The following ST18 variants were observed in gnomAD, a reference collection of about 807,000 sequenced individuals.
The protein encoded by ST18 is ST18 C2H2C-type zinc finger transcription factor.
In ST18, 50 loss-of-function variants were observed where a neutral mutation model predicts 110.0. That is an observed-to-expected ratio of 0.45 (90% CI 0.36 to 0.58). The LOEUF (loss-of-function observed/expected upper bound fraction) is 0.58. Among genes scored for constraint, ST18 ranks in the 20% least tolerant of loss-of-function variants. The probability of loss-of-function intolerance (pLI) is 0.00; values close to 1 mark genes in which losing one functional copy is unlikely to be tolerated. For missense variants in ST18, 1,306 were observed against 1,280.1 expected, an observed-to-expected ratio of 1.02 and a Z score of -0.31; for synonymous variants, 461 against 452.4, an observed-to-expected ratio of 1.02 and a Z score of -0.24.
At chr8:52,125,003 A>G (rs1419699166) in intron 23 of ST18, among the ~76,000 whole-genome samples, 1 of 152,212 alleles carries the variant, frequency 6.6e-6, no homozygotes, top group East Asian at 1.9e-4. Context: ...GATGCCATCA[A>G]ATAAAGTCTC....
chr8:52,222,513 T>C (rs1383716126), intron 3 of ST18, among the ~76,000 whole-genome samples: 1 of 152,140 alleles, frequency 6.6e-6, no homozygotes, highest in Non-Finnish European at 1.5e-5. Context: ...CTTGGAGAAG[T>C]GCACAGAGGG....
chr8:52,177,310 A>G (rs1180518367), intron 9 of ST18, among the ~76,000 whole-genome samples: 2 of 152,226 alleles, frequency 1.3e-5, no homozygotes, highest in Non-Finnish European at 2.9e-5. Context: ...ATATGGATGA[A>G]GTCTGTGCCA....
intron 25 of ST18, 88 bp from the exon 26 acceptor site, chr8:52,113,426 C>T (rs1185898808): frequency 4.6e-6 from 7 of 1,511,614 alleles, no homozygotes; most frequent in South Asian, 3.7e-5. Flanking sequence ...ATCAGTGATC[C>T]GGGAGTCGGG....
At chr8:52,190,141 CT>C (rs763017282) in intron 8 of ST18, among the ~76,000 whole-genome samples, 15 of 152,252 alleles carry the variant, frequency 9.9e-5, no homozygotes, top group Non-Finnish European at 1.9e-4. Context: ...GCATTCAAAA[CT>C]TTGTTTCATG....
chr8:52,144,474 T>G (rs2056491213), intron 16 of ST18, among the ~76,000 whole-genome samples: 2 of 152,108 alleles, frequency 1.3e-5, no homozygotes, highest in South Asian at 4.1e-4. Flanking sequence ...CCGATCTCAG[T>G]CATCAAGGCA....
intron 2 of ST18, among the ~76,000 whole-genome samples, chr8:52,305,579 C>T (rs1469068350): frequency 6.6e-6 from 1 of 152,198 alleles, no homozygotes. Context: ...AACGTCTTAC[C>T]TTCTCTTTCA....
At chr8:52,385,470 GGAGC>G (rs1489174475) in intron 2 of ST18, among the ~76,000 whole-genome samples, 1 of 151,998 alleles carries the variant, frequency 6.6e-6, no homozygotes, top group East Asian at 1.9e-4. Flanking sequence ...CGTGATGGCA[GGAGC>G]CTGTAATCCC....
intron 15 of ST18, among the ~76,000 whole-genome samples, chr8:52,152,340 G>A (rs2059020248): frequency 6.6e-6 from 1 of 152,182 alleles, no homozygotes; most frequent in Non-Finnish European, 1.5e-5. Flanking sequence ...CCAAATGGCA[G>A]CACAAAAAGG....
intron 2 of ST18, among the ~76,000 whole-genome samples, chr8:52,359,402 G>A (rs1824673524): frequency 6.6e-6 from 1 of 152,050 alleles, no homozygotes; most frequent in South Asian, 2.1e-4. Flanking sequence ...AAGCGAACCT[G>A]CCATAACCAC....
intron 10 of ST18, among the ~76,000 whole-genome samples, chr8:52,170,183 T>C (rs1410749860): frequency 1.3e-5 from 2 of 152,158 alleles, no homozygotes; most frequent in Non-Finnish European, 2.9e-5. Flanking sequence ...AGTTCAGAGA[T>C]GATAAAATGG....
intron 2 of ST18, among the ~76,000 whole-genome samples, chr8:52,268,504 TATCTATTTATC>T (rs2094954656): frequency 6.8e-6 from 1 of 146,600 alleles, no homozygotes; most frequent in East Asian, 1.9e-4. Flanking sequence ...TCTATCTATC[TATCTATTTATC>T]TATCTATCTT....
chr8:52,409,803 A>T (rs541854924), upstream of ST18: 2 of 152,270 alleles, frequency 1.3e-5, no homozygotes, highest in Non-Finnish European at 2.9e-5. Context: ...TGTGTTATTT[A>T]CCAACCGCAC....
At position 52,186,880 on chromosome 8, in the gene ST18, C is replaced by T. The variant is rs574552951; in HGVS notation, c.87-6568G>A. 3.3e-5 allele frequency among the ~76,000 whole-genome samples: 5 copies of T among 152,278 alleles called. No individual in the cohort carries two copies. The East Asian group carries it at 9.6e-4, about 29-fold the overall frequency. On this transcript the variant is annotated intron_variant, in intron 8 of 25. Transcript: ENST00000689386. ...GGGATGATGACTTTTGTGAGGGTCA[C>T]AGCTGTGGGAGGTATGAAGGAAATG...
chr8:52,286,906 G>C (rs2095479763), intron 2 of ST18, among the ~76,000 whole-genome samples: 1 of 151,942 alleles, frequency 6.6e-6, no homozygotes, highest in Non-Finnish European at 1.5e-5. Context: ...TTGGAAGTCT[G>C]TGATTTAACC....
At chr8:52,260,870 G>A (rs1022571012) in intron 2 of ST18, among the ~76,000 whole-genome samples, 1 of 152,204 alleles carries the variant, frequency 6.6e-6, no homozygotes, top group Non-Finnish European at 1.5e-5. Flanking sequence ...TTCTAGCTGT[G>A]ATTTGACATA....
At chr8:52,206,229 C>G (rs1395321449) in intron 8 of ST18, among the ~76,000 whole-genome samples, 1 of 152,184 alleles carries the variant, frequency 6.6e-6, no homozygotes, top group Non-Finnish European at 1.5e-5. Flanking sequence ...ATGGCTCCAA[C>G]CAGACGCTGT....
At chr8:52,187,618 CT>C (rs1375051781) in intron 8 of ST18, among the ~76,000 whole-genome samples, 3 of 152,202 alleles carry the variant, frequency 2.0e-5, no homozygotes, top group Non-Finnish European at 4.4e-5. Flanking sequence ...TAATAGATCA[CT>C]TTTTTGAGAT....
At chr8:52,326,200 G>C (rs1276047361) in intron 2 of ST18, among the ~76,000 whole-genome samples, 1 of 152,178 alleles carries the variant, frequency 6.6e-6, no homozygotes, top group African/African-American at 2.4e-5. Context: ...AATTTGATTG[G>C]CAAGTCTCGA....
At chr8:52,211,986 TA>T in intron 8 of ST18, 92 bp downstream of exon 8, 19 of 1,381,344 alleles carry the variant, frequency 1.4e-5, no homozygotes, top group Admixed American at 4.2e-5. Context: ...TTCCTTCTGC[TA>T]AAAAAAGTAT....
Sources: allele counts gnomAD v4.1 joint callset (sites outside exome capture counted in the v4.1 genomes callset), GRCh38; gene constraint gnomAD v4.1.1; transcripts MANE v1.5; gene names NCBI Gene and HGNC (gene_info 2026-07-23, HGNC 2026-07-21).